NECAB1: variants seen among roughly 807,000 people sequenced by gnomAD.
The protein encoded by NECAB1 is N-terminal EF-hand calcium binding protein 1, also known as N-terminal EF-hand calcium-binding protein 1.
NECAB1 carries 29 observed loss-of-function variants against 57.5 expected under a neutral mutation model. The observed-to-expected ratio is 0.50, with a 90% CI of 0.38 to 0.69. The LOEUF (loss-of-function observed/expected upper bound fraction) is 0.69. NECAB1 is among the 30% of genes least tolerant of loss of function. The probability of loss-of-function intolerance (pLI) is 0.00; values close to 1 mark genes in which losing one functional copy is unlikely to be tolerated. For missense variants in NECAB1, 372 were observed against 413.8 expected, an observed-to-expected ratio of 0.90 and a Z score of 0.88; for synonymous variants, 142 against 147.7, an observed-to-expected ratio of 0.96 and a Z score of 0.28.
chr8:90,802,058 G>C (rs1811766569), intron 2 of NECAB1, among the ~76,000 whole-genome samples: 1 of 152,182 alleles, frequency 6.6e-6, no homozygotes, highest in South Asian at 2.1e-4. Flanking sequence ...CAAGTGCTTT[G>C]TGCATATTAT....
At chr8:90,944,612 G>A (rs1168408665) in intron 10 of NECAB1, among the ~76,000 whole-genome samples, 2 of 152,174 alleles carry the variant, frequency 1.3e-5, no homozygotes, top group Admixed American at 6.5e-5. Flanking sequence ...GAGAACAAGA[G>A]AATAGTTTTG....
At chr8:90,841,268 TAAAAA>T (rs144396332) in intron 3 of NECAB1, among the ~76,000 whole-genome samples, 1 of 140,408 alleles carries the variant, frequency 7.1e-6, no homozygotes, top group South Asian at 2.3e-4. Flanking sequence ...TCAAAAAAAA[TAAAAA>T]AAAAAAAGGG....
At chr8:90,808,659 T>TTG (rs1361552747) in intron 2 of NECAB1, among the ~76,000 whole-genome samples, 1 of 144,872 alleles carries the variant, frequency 6.9e-6, no homozygotes, top group African/African-American at 2.6e-5. Context: ...TTTTTTTTTT[T>TTG]TTTTGAGATG....
chr8:90,859,988 A>G (rs937904332), intron 3 of NECAB1, among the ~76,000 whole-genome samples: 1 of 152,164 alleles, frequency 6.6e-6, no homozygotes, highest in Non-Finnish European at 1.5e-5. Context: ...AGTGAGCCTC[A>G]GAGCAAGAAA....
chr8:90,802,417 C>A (rs1283485359), intron 2 of NECAB1, among the ~76,000 whole-genome samples: 1 of 152,114 alleles, frequency 6.6e-6, no homozygotes, highest in Non-Finnish European at 1.5e-5. Flanking sequence ...AAACTTTGTC[C>A]CAGAGAACAC....
intron 5 of NECAB1, among the ~76,000 whole-genome samples, chr8:90,914,397 T>C (rs977627127): frequency 1.1e-4 from 16 of 152,140 alleles, no homozygotes; most frequent in Admixed American, 2.0e-4. Flanking sequence ...ACAGAGACAG[T>C]GTTACAAGCT....
chr8:90,906,887 A>G (rs201804894), intron 5 of NECAB1, among the ~76,000 whole-genome samples: 69 of 121,662 alleles, frequency 5.7e-4, no homozygotes, highest in Non-Finnish European at 9.1e-4. Context: ...ATATATATAT[A>G]TATATATATA....
chr8:90,942,789 G>A, intron 10 of NECAB1, among the ~76,000 whole-genome samples: 1 of 152,172 alleles, frequency 6.6e-6, no homozygotes, highest in Non-Finnish European at 1.5e-5. Context: ...GGCTGAGGCA[G>A]GAGAATCGCT....
intron 3 of NECAB1, among the ~76,000 whole-genome samples, chr8:90,848,498 A>G (rs998544470): frequency 6.6e-6 from 1 of 152,150 alleles, no homozygotes; most frequent in Non-Finnish European, 1.5e-5. Flanking sequence ...TTATTGTGTT[A>G]GTTCATTTTC....
intron 3 of NECAB1, among the ~76,000 whole-genome samples, chr8:90,841,690 A>G (rs933693638): frequency 2.0e-5 from 3 of 152,188 alleles, no homozygotes; most frequent in African/African-American, 7.2e-5. Context: ...ATTTTCAGGG[A>G]CAACAAGGAA....
At chr8:90,929,093 G>A (rs974248380) in intron 8 of NECAB1, among the ~76,000 whole-genome samples, 9 of 152,172 alleles carry the variant, frequency 5.9e-5, no homozygotes, top group Non-Finnish European at 1.3e-4. Context: ...TAAAAAGGCA[G>A]AGCAAGAGAG....
intron 1 of NECAB1, 23 bp downstream of exon 1, chr8:90,792,008 G>T: frequency 6.5e-7 from 1 of 1,541,626 alleles, no homozygotes. Flanking sequence ...GGTGGGAGCT[G>T]GGCGGTTGCT....
At chr8:90,954,801 CAT>C (rs940828396) in intron 12 of NECAB1, among the ~76,000 whole-genome samples, 3 of 148,402 alleles carry the variant, frequency 2.0e-5, no homozygotes, top group Admixed American at 6.8e-5. Context: ...ATAAATCACA[CAT>C]GTATTTATAT....
intron 12 of NECAB1, among the ~76,000 whole-genome samples, chr8:90,952,625 A>G (rs960781566): frequency 1.3e-5 from 2 of 152,014 alleles, no homozygotes; most frequent in Non-Finnish European, 2.9e-5. Flanking sequence ...AAAAATACAA[A>G]AAGTAGCTGG....
intron 6 of NECAB1, among the ~76,000 whole-genome samples, chr8:90,922,293 A>C (rs1810134175): frequency 6.6e-6 from 1 of 152,146 alleles, no homozygotes; most frequent in South Asian, 2.1e-4. Flanking sequence ...CAGGAACGTA[A>C]TTAATTCCTT....
intron 5 of NECAB1, among the ~76,000 whole-genome samples, chr8:90,897,321 A>G (rs1280929474): frequency 2.0e-5 from 3 of 152,198 alleles, no homozygotes; most frequent in Admixed American, 6.5e-5. Flanking sequence ...ACCAAAGTCC[A>G]TTTGGTAGCA....
At chr8:90,940,637 T>A in intron 9 of NECAB1, 149 bp from the exon 10 acceptor site, 1 of 627,006 alleles carries the variant, frequency 1.6e-6, no homozygotes, top group Non-Finnish European at 2.9e-6. Flanking sequence ...TATACAGTTT[T>A]ATACTTGGAA....
intron 5 of NECAB1, among the ~76,000 whole-genome samples, chr8:90,909,813 G>A (rs797007980): frequency 1.3e-5 from 2 of 152,060 alleles, no homozygotes; most frequent in African/African-American, 4.8e-5. Context: ...CATACATATG[G>A]CATACTTTCA....
intron 12 of NECAB1, among the ~76,000 whole-genome samples, chr8:90,953,063 T>C (rs1810952728): frequency 6.6e-6 from 1 of 152,190 alleles, no homozygotes; most frequent in South Asian, 2.1e-4. Flanking sequence ...CTGACACTTG[T>C]AATTTTTGTG....
Sources: gnomAD v4.1 joint callset for allele counts (sites outside exome capture counted in the v4.1 genomes callset) on GRCh38, gnomAD v4.1.1 for gene constraint, MANE v1.5 for transcripts, NCBI Gene and HGNC (gene_info 2026-07-23, HGNC 2026-07-21) for gene names.